GLRX5: variants seen among roughly 807,000 people sequenced by gnomAD.
GLRX5 encodes the protein glutaredoxin-related protein 5, mitochondrial.
In GLRX5, 10 loss-of-function variants were observed where a neutral mutation model predicts 13.8. The ratio of observed to expected loss-of-function variants is 0.72; its 90% confidence interval spans 0.45 to 1.23. The LOEUF (loss-of-function observed/expected upper bound fraction) is 1.23, where lower values mean the gene tolerates loss of function less well. GLRX5 is among the 50% of genes most tolerant of loss of function. The probability of loss-of-function intolerance (pLI) is 0.00; values close to 1 mark genes in which losing one functional copy is unlikely to be tolerated. For missense variants in GLRX5, 233 were observed against 215.2 expected, an observed-to-expected ratio of 1.08 and a Z score of -0.52; for synonymous variants, 98 against 101.1, an observed-to-expected ratio of 0.97 and a Z score of 0.18.
At position 95,543,351 on chromosome 14, in the gene GLRX5, A is replaced by AAAC. The variant is rs1555361396; in HGVS notation, c.296-594_296-593insCAA. On this transcript the variant is annotated intron_variant, in intron 1 of 1. Transcript: ENST00000331334. ...GTAATTGTTAAAAATTAAAAAAAAA[A>AAAC]AAAACTCAACAACTCATCATCTCGA... The AAAC allele has an allele frequency of 6.4e-5, 22 of 344,462 alleles. 1 individual carries two copies. Among genetic ancestry groups the AAAC allele is most frequent in the South Asian group, 2.9e-4 (13 of 44,750 alleles). 21.3% of individuals were successfully genotyped at this position (344,462 alleles called of 1,614,324 possible). A position where few individuals can be genotyped will look rare whatever the true frequency, so the allele number is the denominator to read the frequency against.
chr14:95,543,622 A>G (rs770803809), intron 1 of GLRX5: 58 of 359,894 alleles, frequency 1.6e-4, no homozygotes, highest in Non-Finnish European at 2.5e-4. Context: ...AAGGTCCGCA[A>G]TGTATCAGGT....
chr14:95,535,379 G>T lies in GLRX5; in HGVS notation c.290G>T (p.Arg97Leu). 1 of 1,549,486 alleles carries T rather than the reference G, an allele frequency of 6.5e-7. No homozygotes were observed. Among genetic ancestry groups the T allele is most frequent in the South Asian group, 1.2e-5 (1 of 84,142 alleles). The change falls in exon 1 of 2, where the codon CGA becomes CTA. Residue 97 changes from arginine to leucine, a missense_variant. Transcript: ENST00000331334. ...AYNVLDDPEL[R>L]QGIKDYSNWP... ...AACGTGCTGGACGACCCGGAGCTCC[G>T]ACAAGGTCAGGCCAGTGTGCCGGGC...
intron 1 of GLRX5, among the ~76,000 whole-genome samples, chr14:95,539,330 G>A (rs945474956): frequency 3.9e-5 from 6 of 152,206 alleles, no homozygotes; most frequent in Admixed American, 3.3e-4. Flanking sequence ...AAACTGACAG[G>A]AAGGGATCTT....
chr14:95,540,242 T>A (rs1330197678), intron 1 of GLRX5, among the ~76,000 whole-genome samples: 4 of 152,198 alleles, frequency 2.6e-5, no homozygotes, highest in African/African-American at 9.7e-5. Context: ...TTTCCTGCTT[T>A]ATTTTCCTAT....
In GLRX5 at chr14:95,535,197, G is replaced by T. The variant is rs1008334686; in HGVS notation, c.108G>T (p.Ala36=). The T allele has an allele frequency of 4.7e-6, 7 of 1,503,790 alleles. No homozygotes were observed. Among genetic ancestry groups the T allele is most frequent in the Middle Eastern group, 2.4e-4 (1 of 4,236 alleles). The allele number at this position is 1,503,790 out of a possible 1,614,324, so 93.2% of individuals were successfully genotyped here. A position where few individuals can be genotyped will look rare whatever the true frequency, so the allele number is the denominator to read the frequency against. The part of the protein sequence containing the change: ...GPGVRAAGSG[A]GGGGSAEQLD... Reference sequence around the variant, plus strand: ...GCGTGCGGGCGGCGGGCTCGGGCGCGGGCGGCGGCGGCTCGGCGGAGCAGT... The same window carrying T: ...GCGTGCGGGCGGCGGGCTCGGGCGCTGGCGGCGGCGGCTCGGCGGAGCAGT... Residue 36 remains alanine (A), a synonymous_variant, in exon 1 of 2, where the codon GCG becomes GCT. Coordinates refer to ENST00000331334, the MANE Select transcript of GLRX5 (RefSeq NM_016417.3).
intron 1 of GLRX5, among the ~76,000 whole-genome samples, chr14:95,536,948 A>G (rs1288517393): frequency 6.6e-6 from 1 of 152,208 alleles, no homozygotes; most frequent in Non-Finnish European, 1.5e-5. Flanking sequence ...CTTGTCAACT[A>G]GTATGCCACC....
At position 95,536,035 on chromosome 14, in the gene GLRX5, G is replaced by A. The variant is rs140176964; in HGVS notation, c.295+651G>A. Reference sequence around the variant, plus strand: ...GGAAGAGTCATGACATTTGGCTTTAGATACTCAAGCACAGGGCTGAATTTA... The same window carrying A: ...GGAAGAGTCATGACATTTGGCTTTAAATACTCAAGCACAGGGCTGAATTTA... On this transcript the variant is annotated intron_variant, in intron 1 of 1. Coordinates refer to ENST00000331334, the MANE Select transcript of GLRX5 (RefSeq NM_016417.3). Among the ~76,000 whole-genome samples the A allele has an allele frequency of 9.2e-5, 14 of 152,334 alleles. No individual in the cohort carries two copies. The East Asian group carries it at 2.7e-3, about 29-fold the overall frequency.
rs570001623 is a variant in GLRX5 at position 95,538,306 on chromosome 14, A to G, written c.295+2922A>G. Among the ~76,000 whole-genome samples the G allele has an allele frequency of 3.3e-5, 5 of 152,356 alleles. No homozygotes were observed. The East Asian group carries it at 7.7e-4, about 23-fold the overall frequency. On this transcript the variant is annotated intron_variant, in intron 1 of 1. Coordinates refer to ENST00000331334, the MANE Select transcript of GLRX5 (RefSeq NM_016417.3). ...AACTCTGCGGCCTTAAAGGCATTATAAACATTTGCTGCCGATTTAGATCAT... is the reference window on the plus strand; with the variant it reads ...AACTCTGCGGCCTTAAAGGCATTATGAACATTTGCTGCCGATTTAGATCAT...
At chr14:95,535,496 GGTCT>G in intron 1 of GLRX5, 112 bp downstream of exon 1, 1 of 1,085,828 alleles carries the variant, frequency 9.2e-7, no homozygotes, top group Non-Finnish European at 1.3e-6. Context: ...CATCCGCCGG[GGTCT>G]GTCTGAAGGT....
chr14:95,538,680 G>A (rs1247841177), intron 1 of GLRX5, among the ~76,000 whole-genome samples: 1 of 152,126 alleles, frequency 6.6e-6, no homozygotes, highest in African/African-American at 2.4e-5. Context: ...CTAGAGAGGG[G>A]GATCTGCAAA....
chr14:95,543,677 ACC>A, intron 1 of GLRX5: 1 of 474,718 alleles, frequency 2.1e-6, no homozygotes, highest in Non-Finnish European at 3.8e-6. Flanking sequence ...AAAAAAAAAA[ACC>A]TTGGGAGATG....
At chr14:95,538,148 T>C (rs1337536846) in intron 1 of GLRX5, among the ~76,000 whole-genome samples, 2 of 152,170 alleles carry the variant, frequency 1.3e-5, no homozygotes, top group Non-Finnish European at 2.9e-5. Flanking sequence ...CATAGTATTT[T>C]GCCCTCCAGA....
Position 95,543,119 on chromosome 14 carries a change from G to A in GLRX5, c.296-828G>A, listed in dbSNP as rs968955576. On this transcript the variant is annotated intron_variant, in intron 1 of 1. Coordinates refer to ENST00000331334, the MANE Select transcript of GLRX5 (RefSeq NM_016417.3). ...GGTTGGTTTCTTGGCTGCTGTGAGC[G>A]CTTAAGAGCAGAGCGGGTCTCACTC... is the stretch of plus-strand genomic sequence containing the variant. 8.8e-6 allele frequency: 4 copies of A among 455,846 alleles called. No homozygotes were observed. In the Admixed American group the frequency reaches 9.4e-5, roughly 11 times the overall value. 28.2% of individuals were successfully genotyped at this position (455,846 alleles called of 1,614,324 possible). A position where few individuals can be genotyped will look rare whatever the true frequency, so the allele number is the denominator to read the frequency against.
chr14:95,538,696 C>T (rs1566703749), intron 1 of GLRX5, among the ~76,000 whole-genome samples: 1 of 152,102 alleles, frequency 6.6e-6, no homozygotes, highest in East Asian at 1.9e-4. Flanking sequence ...GCAAACTTAC[C>T]CTAGTAAAGG....
At chr14:95,535,535 A>G in intron 1 of GLRX5, 151 bp downstream of exon 1, 4 of 722,418 alleles carry the variant, frequency 5.5e-6, no homozygotes, top group Non-Finnish European at 2.3e-6. Flanking sequence ...GGCGAGGAGT[A>G]CTGCCCTGGA....
chr14:95,543,448 G>C lies in GLRX5; in HGVS notation c.296-499G>C, dbSNP rs138795142. On this transcript the variant is annotated intron_variant, in intron 1 of 1. Coordinates refer to ENST00000331334, the MANE Select transcript of GLRX5 (RefSeq NM_016417.3). The stretch of plus-strand genomic sequence containing the variant: ...GAAAAGTGCACAGGTGGGATTGCCC[G>C]AGTTGGCCATGAATTACCGTGATGG... The C allele has an allele frequency of 1.4e-3, 445 of 317,354 alleles. 1 individual carries two copies. The highest frequency in any genetic ancestry group is 9.1e-3 in the African/African-American group (422 of 46,176). The allele number at this position is 317,354 out of a possible 1,614,324, so 19.7% of individuals were successfully genotyped here.
intron 1 of GLRX5, among the ~76,000 whole-genome samples, chr14:95,536,704 G>C (rs1262840514): frequency 6.6e-6 from 1 of 152,144 alleles, no homozygotes; most frequent in Non-Finnish European, 1.5e-5. Flanking sequence ...GAAAGCACCC[G>C]GTAAATGGTA....
chr14:95,535,169 C>A lies in GLRX5; in HGVS notation c.80C>A (p.Pro27Gln), dbSNP rs1255485715. The change falls in exon 1 of 2, where the codon CCG (proline) becomes CAG (glutamine). Residue 27 changes from proline (P) to glutamine (Q), a missense_variant. By Grantham distance (76) the Pro-to-Gln change is moderately conservative. Transcript: ENST00000331334. Reference sequence around the variant, plus strand: ...GCGGGCGGCGGTGGCCTTTGGGGTCCGGGCGTGCGGGCGGCGGGCTCGGGC... The same window carrying A: ...GCGGGCGGCGGTGGCCTTTGGGGTCAGGGCGTGCGGGCGGCGGGCTCGGGC... Reference protein sequence around the residue: ...RGAGGGGLWGPGVRAAGSGAG... With the variant: ...RGAGGGGLWGQGVRAAGSGAG... The A allele has an allele frequency of 1.4e-6, 2 of 1,451,012 alleles. No homozygotes were observed. Among genetic ancestry groups the A allele is most frequent in the Admixed American group, 4.9e-5 (2 of 40,932 alleles). The allele number at this position is 1,451,012 out of a possible 1,614,324, so 89.9% of individuals were successfully genotyped here. A position where few individuals can be genotyped will look rare whatever the true frequency, so the allele number is the denominator to read the frequency against.
chr14:95,541,158 TC>T (rs1196972562), intron 1 of GLRX5, among the ~76,000 whole-genome samples: 1 of 152,212 alleles, frequency 6.6e-6, no homozygotes, highest in Non-Finnish European at 1.5e-5. Flanking sequence ...CAGGAGTAGC[TC>T]TCTGATTCTG....
Sources: gnomAD v4.1 joint callset for allele counts (sites outside exome capture counted in the v4.1 genomes callset) on GRCh38, gnomAD v4.1.1 for gene constraint, MANE v1.5 for transcripts, NCBI Gene and HGNC (gene_info 2026-07-23, HGNC 2026-07-21) for gene names.